The following RTTN variants were observed in gnomAD, a reference collection of about 807,000 sequenced individuals.
RTTN encodes rotatin.
In RTTN, 182 loss-of-function variants were observed where a neutral mutation model predicts 269.2. The observed-to-expected ratio is 0.68, with a 90% CI of 0.60 to 0.76. The LOEUF (loss-of-function observed/expected upper bound fraction) is 0.76, where lower values mean the gene tolerates loss of function less well. Ranked by LOEUF, RTTN falls within the 30% of genes least tolerant of loss-of-function variation. RTTN has a pLI of 0.00. For synonymous variants in RTTN, 1,006 were observed against 963.5 expected, an observed-to-expected ratio of 1.04 and a Z score of -0.82; for missense variants, 2,545 against 2,608.6, an observed-to-expected ratio of 0.98 and a Z score of 0.53.
At position 70,048,017 on chromosome 18, in the gene RTTN, T is replaced by C; in HGVS notation, c.5495A>G (p.Gln1832Arg). Residue 1832 changes from glutamine to arginine, a missense_variant, in exon 40 of 49, where the codon CAG becomes CGG. Transcript: ENST00000640769. ...PTVASLLDDS[Q>R]ENQKSLEQLS... ...TTGTTCTAGAGATTTCTGATTTTCC[T>C]GAGAGTCATCAAGAAGTGAAGCCAC... 1.2e-6 allele frequency: 2 copies of C among 1,614,092 alleles called. No homozygotes were observed. Among genetic ancestry groups the C allele is most frequent in the East Asian group, 2.2e-5 (1 of 44,886 alleles).
intron 31 of RTTN, among the ~76,000 whole-genome samples, chr18:70,086,892 G>T (rs569341859): frequency 6.6e-6 from 1 of 151,862 alleles, no homozygotes; most frequent in South Asian, 2.1e-4. Context: ...TAATGACCTT[G>T]TTAGGTAATG....
intron 11 of RTTN, among the ~76,000 whole-genome samples, chr18:70,170,937 T>C (rs1490703739): frequency 6.6e-6 from 1 of 152,130 alleles, no homozygotes; most frequent in African/African-American, 2.4e-5. Flanking sequence ...TTTTGCCTGA[T>C]CAACGATCAA....
At chr18:70,058,523 T>C (rs1199346743) in intron 36 of RTTN, among the ~76,000 whole-genome samples, 4 of 152,082 alleles carry the variant, frequency 2.6e-5, no homozygotes, top group African/African-American at 9.6e-5. Flanking sequence ...CGTCTCAAAA[T>C]AAATAAAAAT....
intron 13 of RTTN, chr18:70,166,583 A>G (rs2060992927): frequency 4.8e-6 from 1 of 206,476 alleles, no homozygotes; most frequent in Non-Finnish European, 9.5e-6. Context: ...AAAAGTTACA[A>G]AACTCTCAGT....
Position 70,166,206 on chromosome 18 carries a change from C to T in RTTN, c.1803-18G>A. On this transcript the variant is annotated intron_variant, in intron 13 of 48. Transcript: ENST00000640769. Reference sequence around the variant, plus strand: ...ATTTCCAGCTGGTGAAAAGGTAAAACAACCAAGACATGTGAGGCAAGTAAG... The same window carrying T: ...ATTTCCAGCTGGTGAAAAGGTAAAATAACCAAGACATGTGAGGCAAGTAAG... 3.1e-6 allele frequency: 5 copies of T among 1,611,646 alleles called. No homozygotes were observed. Among genetic ancestry groups the T allele is most frequent in the African/African-American group, 1.3e-5 (1 of 74,970 alleles).
rs746802935 is a variant in RTTN, at chr18:70,197,584, C to T, written c.693+40G>A. 33 of 1,318,270 alleles carry T rather than the reference C, an allele frequency of 2.5e-5. No homozygotes were observed. The East Asian group carries it at 6.7e-4, about 27-fold the overall frequency. The allele number at this position is 1,318,270 out of a possible 1,614,324, so 81.7% of individuals were successfully genotyped here. A position where few individuals can be genotyped will look rare whatever the true frequency, so the allele number is the denominator to read the frequency against. On this transcript the variant is annotated intron_variant, in intron 6 of 48. Coordinates refer to ENST00000640769, the MANE Select transcript of RTTN (RefSeq NM_173630.4). Reference sequence around the variant, plus strand: ...AAAATTTGCTTTATTGCAAAAAGTTCTCTAGTTCAAAATCTAAAACAATTA... The same window carrying T: ...AAAATTTGCTTTATTGCAAAAAGTTTTCTAGTTCAAAATCTAAAACAATTA...
At position 70,055,318 on chromosome 18, in the gene RTTN, TAC is replaced by T. The variant is rs143114816; in HGVS notation, c.5032-1036_5032-1035del. 7.7e-3 allele frequency among the ~76,000 whole-genome samples: 1,154 copies of T among 149,900 alleles called. 9 individuals are homozygous for T. Among genetic ancestry groups the T allele is most frequent in the African/African-American group, 0.024 (997 of 40,964 alleles). The stretch of plus-strand genomic sequence containing the variant: ...CTCTCTCTCTGTACACACACACACA[TAC>T]ACACACACACACACACTTTTTTTCC... On this transcript the variant is annotated intron_variant, in intron 37 of 48. Transcript: ENST00000640769.
chr18:70,010,241 C>T (rs1170973568), intron 46 of RTTN, among the ~76,000 whole-genome samples: 3 of 152,158 alleles, frequency 2.0e-5, no homozygotes, highest in African/African-American at 7.2e-5. Flanking sequence ...GTGGACCTAA[C>T]AGACATCTAC....
intron 40 of RTTN, among the ~76,000 whole-genome samples, chr18:70,036,933 C>G (rs571332189): frequency 2.6e-4 from 40 of 152,352 alleles, no homozygotes; most frequent in Non-Finnish European, 4.9e-4. Flanking sequence ...CCCTATCTAT[C>G]AGCAGCAGCT....
intron 46 of RTTN, among the ~76,000 whole-genome samples, chr18:70,013,337 C>T (rs1041629797): frequency 1.1e-4 from 16 of 142,476 alleles, no homozygotes; most frequent in African/African-American, 4.6e-4. Flanking sequence ...CTCCTTCAAC[C>T]AGCTATCCCT....
rs754324807 is a variant in RTTN at position 70,128,568 on chromosome 18, A to G, written c.2955-22T>C. 22 of 1,599,012 alleles carry G rather than the reference A, an allele frequency of 1.4e-5. 1 individual carries two copies. The South Asian group carries it at 2.4e-4, about 18-fold the overall frequency. On this transcript the variant is annotated intron_variant, in intron 23 of 48. Transcript: ENST00000640769. The stretch of plus-strand genomic sequence containing the variant: ...GTACCTAAAGAAAATGTGTACAAAT[A>G]ATTACAAACTTTCAAATTCTTAAAT...
intron 4 of RTTN, among the ~76,000 whole-genome samples, chr18:70,201,491 C>G (rs918445263): frequency 4.7e-5 from 7 of 149,614 alleles, no homozygotes. Flanking sequence ...GCCTGTAGTC[C>G]CAGCTACTTG....
intron 40 of RTTN, chr18:70,031,537 T>C (rs2057012627): frequency 1.0e-5 from 4 of 393,776 alleles, no homozygotes; most frequent in Non-Finnish European, 1.3e-5. Context: ...GAAAATCATT[T>C]GTAATTCCGA....
intron 30 of RTTN, among the ~76,000 whole-genome samples, chr18:70,089,305 C>T (rs1418928189): frequency 2.0e-5 from 3 of 152,140 alleles, no homozygotes; most frequent in South Asian, 4.1e-4. Flanking sequence ...TCTCCATGTG[C>T]GTGCTCCAAG....
chr18:70,034,184 G>A (rs1006513088), intron 40 of RTTN, among the ~76,000 whole-genome samples: 4 of 152,074 alleles, frequency 2.6e-5, no homozygotes, highest in Non-Finnish European at 5.9e-5. Flanking sequence ...ATGAGAAGTA[G>A]GAACTCCTCC....
chr18:70,087,524 A>G (rs1476383559), intron 31 of RTTN, among the ~76,000 whole-genome samples: 1 of 152,140 alleles, frequency 6.6e-6, no homozygotes, highest in Non-Finnish European at 1.5e-5. Context: ...AACCATTTAC[A>G]TGAATCATTA....
chr18:70,101,497 A>T (rs2059164783), intron 28 of RTTN, among the ~76,000 whole-genome samples: 1 of 151,664 alleles, frequency 6.6e-6, no homozygotes, highest in Admixed American at 6.6e-5. Flanking sequence ...CTAGTGGTGT[A>T]TCTATTTTGT....
rs534875454 is a variant in RTTN, at chr18:70,146,044, A to C, written c.2310-261T>G. On this transcript the variant is annotated intron_variant, in intron 17 of 48. Transcript: ENST00000640769. ...AAATGAGACAGACTCACTGAGATTA[A>C]ATATCAGTAAACTTCAATAAGTACA... Among the ~76,000 whole-genome samples, 12 of 152,326 alleles carry C rather than the reference A, an allele frequency of 7.9e-5. No individual in the cohort carries two copies. The South Asian group carries it at 2.3e-3, about 29-fold the overall frequency.
At chr18:70,091,419 TA>T (rs879269139) in intron 30 of RTTN, 100 of 142,292 alleles carry the variant, frequency 7.0e-4, no homozygotes, top group East Asian at 2.2e-3. Context: ...AACATTATAA[TA>T]AAAAAAAAAA....
Sources: gnomAD v4.1 joint callset for allele counts (sites outside exome capture counted in the v4.1 genomes callset) on GRCh38, gnomAD v4.1.1 for gene constraint, MANE v1.5 for transcripts, NCBI Gene and HGNC (gene_info 2026-07-23, HGNC 2026-07-21) for gene names.